SLC12A1: variants seen among roughly 807,000 people sequenced by gnomAD.
The protein encoded by SLC12A1 is solute carrier family 12 member 1.
SLC12A1 carries 89 observed loss-of-function variants against 130.4 expected under a neutral mutation model. That is an observed-to-expected ratio of 0.68 (90% confidence interval 0.58 to 0.81). SLC12A1 has a LOEUF of 0.81. Among genes scored for constraint, SLC12A1 ranks in the 40% least tolerant of loss-of-function variants. The probability of loss-of-function intolerance (pLI) is 0.00; values close to 1 mark genes in which losing one functional copy is unlikely to be tolerated. For missense variants in SLC12A1, 1,310 were observed against 1,336.4 expected, an observed-to-expected ratio of 0.98 and a Z score of 0.31; for synonymous variants, 499 against 460.0, an observed-to-expected ratio of 1.08 and a Z score of -1.09.
chr15:48,302,347 G>C (rs954110693), intron 26 of SLC12A1, among the ~76,000 whole-genome samples: 4 of 151,936 alleles, frequency 2.6e-5, no homozygotes, highest in African/African-American at 4.8e-5. Flanking sequence ...CCGGCCGGGC[G>C]CGGTGGCTCA....
In SLC12A1 at chr15:48,280,506, G is replaced by C. The variant is rs575623155; in HGVS notation, c.2486-4600G>C. 2.0e-5 allele frequency among the ~76,000 whole-genome samples: 3 copies of C among 152,098 alleles called. No homozygotes were observed. In the South Asian group the frequency reaches 6.2e-4, roughly 32 times the overall value. On this transcript the variant is annotated intron_variant, in intron 20 of 26. Coordinates refer to ENST00000380993, the MANE Select transcript of SLC12A1 (RefSeq NM_000338.3). ...ACATCTTGAAAAGAGAGAAGGGCAG[G>C]CATGCTCTCTATATCCCTATTTCCA...
At chr15:48,289,944 G>A (rs1237998388) in intron 23 of SLC12A1, among the ~76,000 whole-genome samples, 1 of 151,980 alleles carries the variant, frequency 6.6e-6, no homozygotes, top group Admixed American at 6.6e-5. Flanking sequence ...CTGGACCTGG[G>A]AATAAAAAAT....
intron 20 of SLC12A1, among the ~76,000 whole-genome samples, chr15:48,276,531 C>A (rs879690257): frequency 6.6e-6 from 1 of 152,156 alleles, no homozygotes; most frequent in African/African-American, 2.4e-5. Flanking sequence ...CATGTGAAGA[C>A]ATGGTGAGAA....
rs559143282 is a variant in SLC12A1, at chr15:48,289,789, C to T, written c.2873+1273C>T. Among the ~76,000 whole-genome samples the T allele has an allele frequency of 3.9e-5, 6 of 152,238 alleles. No individual in the cohort carries two copies. In the East Asian group the frequency reaches 1.2e-3, roughly 29 times the overall value. On this transcript the variant is annotated intron_variant, in intron 23 of 26. Coordinates refer to ENST00000380993, the MANE Select transcript of SLC12A1 (RefSeq NM_000338.3). ...TATTGGGCACTTACCATGAGTGGAACTTGCAGGACTGGCAGTTGCTCTGGG... is the reference window on the plus strand; with the variant it reads ...TATTGGGCACTTACCATGAGTGGAATTTGCAGGACTGGCAGTTGCTCTGGG...
At chr15:48,211,411 G>A (rs1407043800) in intron 2 of SLC12A1, among the ~76,000 whole-genome samples, 2 of 152,130 alleles carry the variant, frequency 1.3e-5, no homozygotes, top group African/African-American at 4.8e-5. Flanking sequence ...GCAATGTGCT[G>A]TAGCTGTGCT....
At chr15:48,217,682 A>C (rs1200209522) in intron 2 of SLC12A1, 5 of 152,270 alleles carry the variant, frequency 3.3e-5, no homozygotes, top group Non-Finnish European at 7.3e-5. Flanking sequence ...GCTGTCCCAT[A>C]GAGATGGAAG....
chr15:48,258,341 A>G (rs903121789), intron 16 of SLC12A1, among the ~76,000 whole-genome samples: 1 of 121,842 alleles, frequency 8.2e-6, no homozygotes, highest in South Asian at 3.3e-4. Flanking sequence ...AGCCTGGGCG[A>G]CAGAGCGAGA....
chr15:48,221,480 C>T, intron 4 of SLC12A1: 1 of 667,006 alleles, frequency 1.5e-6, no homozygotes, highest in East Asian at 2.7e-5. Context: ...CTTTCGGGTA[C>T]CAGCAGTAAG....
At chr15:48,236,334 G>T (rs917191666) in intron 9 of SLC12A1, among the ~76,000 whole-genome samples, 2 of 152,192 alleles carry the variant, frequency 1.3e-5, no homozygotes, top group Admixed American at 1.3e-4. Flanking sequence ...TTTTGAACCT[G>T]AGCATAAAGC....
chr15:48,284,102 TC>T (rs1353436460), intron 20 of SLC12A1, among the ~76,000 whole-genome samples: 1 of 152,236 alleles, frequency 6.6e-6, no homozygotes, highest in African/African-American at 2.4e-5. Context: ...ACTGCTTGAC[TC>T]CTGTTCCAGA....
rs1451543688 is a variant in SLC12A1 at position 48,274,667 on chromosome 15, T to C, written c.2485+14T>C. The C allele has an allele frequency of 6.3e-7, 1 of 1,578,332 alleles. No homozygotes were observed. Among genetic ancestry groups the C allele is most frequent in the East Asian group, 2.2e-5 (1 of 44,658 alleles). On this transcript the variant is annotated intron_variant, in intron 20 of 26. Coordinates refer to ENST00000380993, the MANE Select transcript of SLC12A1 (RefSeq NM_000338.3). Reference sequence around the variant, plus strand: ...TTCAGGTGCAAGGTATGTACTTTCTTTATTCAACCAACAAGTATTTATTGA... The same window carrying C: ...TTCAGGTGCAAGGTATGTACTTTCTCTATTCAACCAACAAGTATTTATTGA...
intron 2 of SLC12A1, among the ~76,000 whole-genome samples, chr15:48,210,590 C>T (rs1255108885): frequency 7.9e-5 from 12 of 151,614 alleles, no homozygotes; most frequent in Non-Finnish European, 1.5e-4. Context: ...TGTGGTGGCT[C>T]ATGCCTGTAA....
At chr15:48,273,452 C>T (rs2041919213) in intron 19 of SLC12A1, among the ~76,000 whole-genome samples, 2 of 152,154 alleles carry the variant, frequency 1.3e-5, no homozygotes, top group Admixed American at 6.5e-5. Flanking sequence ...TCTGCCAAGT[C>T]CCTTTTGCCA....
At chr15:48,214,416 A>G (rs1370533855) in intron 2 of SLC12A1, among the ~76,000 whole-genome samples, 1 of 152,206 alleles carries the variant, frequency 6.6e-6, no homozygotes, top group Non-Finnish European at 1.5e-5. Context: ...TTTATTGCAC[A>G]TAGCTAACTT....
At chr15:48,284,321 G>C (rs1202760945) in intron 20 of SLC12A1, among the ~76,000 whole-genome samples, 1 of 152,156 alleles carries the variant, frequency 6.6e-6, no homozygotes, top group Admixed American at 6.5e-5. Flanking sequence ...CTTAATTCTT[G>C]CTGTCTAGTT....
intron 2 of SLC12A1, among the ~76,000 whole-genome samples, chr15:48,212,717 G>A (rs188279691): frequency 1.3e-5 from 2 of 152,024 alleles, no homozygotes; most frequent in East Asian, 3.9e-4. Context: ...ACTTTCTATC[G>A]AAGCCATGTG....
chr15:48,284,347 T>C (rs554771789), intron 20 of SLC12A1, among the ~76,000 whole-genome samples: 1 of 152,250 alleles, frequency 6.6e-6, no homozygotes, highest in Non-Finnish European at 1.5e-5. Flanking sequence ...TTTCAATTCA[T>C]GAAGCATTGT....
rs377013760 is a variant in SLC12A1, at chr15:48,220,620, T to C, written c.421-14T>C. Reference sequence around the variant, plus strand: ...TTGACCAACTACTGTGTTTTTGCTATCTATAAAATGCAGAATGTGGCAGTC... The same window carrying C: ...TTGACCAACTACTGTGTTTTTGCTACCTATAAAATGCAGAATGTGGCAGTC... On this transcript the variant is annotated splice_polypyrimidine_tract_variant and intron_variant, in intron 2 of 26. Coordinates refer to ENST00000380993, the MANE Select transcript of SLC12A1 (RefSeq NM_000338.3). 9.9e-6 allele frequency: 16 copies of C among 1,610,218 alleles called. No individual in the cohort carries two copies. The highest frequency in any genetic ancestry group is 3.3e-4 in the Middle Eastern group (2 of 6,072).
chr15:48,302,870 G>T lies in SLC12A1; in HGVS notation c.3285G>T (p.Leu1095Phe), dbSNP rs1258786812. The change falls in exon 27 of 27, where the codon TTG (leucine) becomes TTT (phenylalanine). Residue 1095 changes from leucine (L) to phenylalanine (F), a missense_variant. Physicochemically the swap from Leu to Phe is conservative, Grantham distance 22 (BLOSUM62 0). Transcript: ENST00000380993. ...LLVRGNHKNV[L>F]TFYS is the part of the protein sequence containing the mutation. ...TTAGAGGAAATCACAAAAATGTCTTGACATTTTACTCTTAAAACATGAAAG... is the reference window on the plus strand; with the variant it reads ...TTAGAGGAAATCACAAAAATGTCTTTACATTTTACTCTTAAAACATGAAAG... 4 of 1,609,968 alleles carry T rather than the reference G, an allele frequency of 2.5e-6. No individual in the cohort carries two copies. Among genetic ancestry groups the T allele is most frequent in the Non-Finnish European group, 3.4e-6 (4 of 1,177,010 alleles).
Sources: gnomAD v4.1 joint callset for allele counts (sites outside exome capture counted in the v4.1 genomes callset) on GRCh38, gnomAD v4.1.1 for gene constraint, MANE v1.5 for transcripts, NCBI Gene and HGNC (gene_info 2026-07-23, HGNC 2026-07-21) for gene names.